The following DRC8 variants were observed in gnomAD, a reference collection of about 807,000 sequenced individuals.
DRC8 encodes dynein regulatory complex subunit 8, also known as dynein regulatory complex protein 8.
At chr1:244,970,816 T>C in the DRC8 span, 1 of 321,350 alleles carries the variant, frequency 3.1e-6, no homozygotes, top group Non-Finnish European at 5.7e-6. Flanking sequence ...CCTTGCATCC[T>C]GCGCGGGCTG....
chr1:245,035,377 T>TG, the DRC8 span, among the ~76,000 whole-genome samples: 3 of 145,264 alleles, frequency 2.1e-5, no homozygotes, highest in African/African-American at 7.9e-5. Context: ...GCTAGACACA[T>TG]GCATCAGTGG....
At chr1:244,990,242 A>G in the DRC8 span, among the ~76,000 whole-genome samples, 11 of 152,238 alleles carry the variant, frequency 7.2e-5, no homozygotes, top group Non-Finnish European at 1.6e-4. Context: ...AGTACAGTAC[A>G]ATAAGATATT....
the DRC8 span, among the ~76,000 whole-genome samples, chr1:245,065,462 G>T: frequency 2.6e-5 from 4 of 152,044 alleles, no homozygotes. Context: ...TTTCTGTTGT[G>T]TTTTAAATTT....
At chr1:245,022,201 A>G in the DRC8 span, among the ~76,000 whole-genome samples, 1 of 150,582 alleles carries the variant, frequency 6.6e-6, no homozygotes, top group Non-Finnish European at 1.5e-5. Context: ...GCAGGAGCGC[A>G]GTGGAGTGAT....
At chr1:245,002,177 A>G in the DRC8 span, 1 of 1,610,668 alleles carries the variant, frequency 6.2e-7, no homozygotes, top group Non-Finnish European at 8.5e-7. Flanking sequence ...TCGAACATCT[A>G]ATGGAAGGTG....
chr1:245,104,051 G>C, the DRC8 span, among the ~76,000 whole-genome samples: 2 of 152,168 alleles, frequency 1.3e-5, no homozygotes, highest in African/African-American at 2.4e-5. Context: ...AATAAGAAGA[G>C]GTGCTCACTT....
chr1:245,036,604 G>A, the DRC8 span, among the ~76,000 whole-genome samples: 1 of 152,178 alleles, frequency 6.6e-6, no homozygotes, highest in Admixed American at 6.5e-5. Flanking sequence ...TCAATCAGGT[G>A]ATGAATGGAT....
the DRC8 span, among the ~76,000 whole-genome samples, chr1:245,040,789 C>T: frequency 6.6e-6 from 1 of 152,242 alleles, no homozygotes; most frequent in East Asian, 1.9e-4. Flanking sequence ...AAAACAAACA[C>T]ACAAACATGA....
the DRC8 span, among the ~76,000 whole-genome samples, chr1:245,076,716 G>A: frequency 7.2e-6 from 1 of 139,156 alleles, no homozygotes. Context: ...CATCAACTCT[G>A]TGAAATACAT....
chr1:245,034,103 T>C, the DRC8 span, among the ~76,000 whole-genome samples: 3 of 152,238 alleles, frequency 2.0e-5, no homozygotes, highest in Non-Finnish European at 2.9e-5. Flanking sequence ...GGACTATTAA[T>C]GTCTGCTAGA....
At chr1:245,121,670 T>C in the DRC8 span, among the ~76,000 whole-genome samples, 6 of 152,136 alleles carry the variant, frequency 3.9e-5, no homozygotes, top group African/African-American at 1.4e-4. Context: ...CTAAAGTGTA[T>C]GTGCTGCGTG....
At chr1:245,074,984 G>T in the DRC8 span, among the ~76,000 whole-genome samples, 5 of 152,114 alleles carry the variant, frequency 3.3e-5, no homozygotes, top group African/African-American at 1.2e-4. Flanking sequence ...TGGTGACCTG[G>T]AACTAGCTGA....
the DRC8 span, among the ~76,000 whole-genome samples, chr1:245,054,058 A>G: frequency 2.2e-4 from 33 of 151,810 alleles, no homozygotes; most frequent in Non-Finnish European, 4.4e-4. Flanking sequence ...TGCTCACATC[A>G]TTCAGGTCTT....
At chr1:245,042,865 T>G in the DRC8 span, among the ~76,000 whole-genome samples, 4,957 of 152,236 alleles carry the variant, frequency 0.033, 285 homozygotes, top group African/African-American at 0.11. Flanking sequence ...TGTCAGGAAC[T>G]TGATACTACA....
the DRC8 span, chr1:245,083,860 G>A: frequency 1.1e-6 from 1 of 874,032 alleles, no homozygotes; most frequent in Middle Eastern, 3.7e-4. Flanking sequence ...GGGTTAAGAG[G>A]ACAAAGAGTA....
At chr1:245,068,031 A>G in the DRC8 span, among the ~76,000 whole-genome samples, 7 of 152,108 alleles carry the variant, frequency 4.6e-5, no homozygotes, top group African/African-American at 1.2e-4. Flanking sequence ...TTCGAGTAGC[A>G]TCAGGTAAAT....
chr1:244,985,675 C>A, the DRC8 span, among the ~76,000 whole-genome samples: 1 of 151,816 alleles, frequency 6.6e-6, no homozygotes, highest in African/African-American at 2.4e-5. Context: ...ACCAGCCTGG[C>A]TAATGTGGTG....
the DRC8 span, among the ~76,000 whole-genome samples, chr1:244,979,548 C>T: frequency 2.0e-5 from 3 of 151,668 alleles, no homozygotes; most frequent in South Asian, 2.1e-4. Context: ...TCAAATGATC[C>T]GCCTGCCTTG....
At chr1:245,052,633 G>A in the DRC8 span, among the ~76,000 whole-genome samples, 1 of 152,268 alleles carries the variant, frequency 6.6e-6, no homozygotes, top group Non-Finnish European at 1.5e-5. Context: ...TGGCACAGAA[G>A]CAGAGGTCAG....
Sources: allele counts gnomAD v4.1 joint callset (sites outside exome capture counted in the v4.1 genomes callset), GRCh38; gene constraint gnomAD v4.1.1; transcripts MANE v1.5; gene names NCBI Gene and HGNC (gene_info 2026-07-23, HGNC 2026-07-21).